The following PLEKHG4B variants were observed in gnomAD, a reference collection of about 807,000 sequenced individuals.
PLEKHG4B encodes the protein pleckstrin homology domain-containing family G member 4B.
Under a neutral mutation model 121.3 loss-of-function variants are expected in PLEKHG4B, and 111 were observed. The observed-to-expected ratio is 0.92, with a 90% CI of 0.78 to 1.07. The LOEUF is 1.07. Among genes scored for constraint, PLEKHG4B ranks in the 50% least tolerant of loss-of-function variants. The pLI is 0.00. For missense variants in PLEKHG4B, 1,831 were observed against 1,757.8 expected (o/e 1.04, Z -0.74); for synonymous variants, 738 against 725.0 (o/e 1.02, Z -0.29).
chr5:149,305 G>A (rs1466658585), intron 6 of PLEKHG4B, among the ~76,000 whole-genome samples: 4 of 152,308 alleles, frequency 2.6e-5, no homozygotes, highest in Admixed American at 2.6e-4. Context: ...CACTTTGGGA[G>A]GCTGAGGCAG....
intron 2 of PLEKHG4B, among the ~76,000 whole-genome samples, chr5:126,416 A>G (rs187308557): frequency 6.6e-6 from 1 of 152,220 alleles, no homozygotes; most frequent in East Asian, 1.9e-4. Flanking sequence ...ACTTTTTCAT[A>G]CATCACTTTA....
At chr5:181,491 T>C (rs753169266) in intron 18 of PLEKHG4B, 23 bp from the exon 19 acceptor site, 1 of 1,607,984 alleles carries the variant, frequency 6.2e-7, no homozygotes, top group Non-Finnish European at 8.5e-7. Flanking sequence ...CTTTGGAAAC[T>C]GTCATACTTT....
In PLEKHG4B at chr5:133,922, G is replaced by GCA. The variant is rs776876090; in HGVS notation, c.244-5542_244-5541dup. 8.8e-3 allele frequency among the ~76,000 whole-genome samples: 1,243 copies of GCA among 140,942 alleles called. 8 individuals are homozygous for GCA. The highest frequency in any genetic ancestry group is 0.014 in the South Asian group (62 of 4,400). The allele number at this position is 140,942 out of a possible 152,430, so 92.5% of individuals were successfully genotyped here. A position where few individuals can be genotyped will look rare whatever the true frequency, so the allele number is the denominator to read the frequency against. ...TGGATAAAGAAAATGTGACACACAC[G>GCA]CACACACACACACACACACATATAT... is the stretch of plus-strand genomic sequence containing the variant. On this transcript the variant is annotated intron_variant, in intron 2 of 19. Coordinates refer to ENST00000637938, the MANE Select transcript of PLEKHG4B (RefSeq NM_052909.5).
intron 2 of PLEKHG4B, among the ~76,000 whole-genome samples, chr5:125,805 C>T (rs1444945008): frequency 1.3e-5 from 2 of 152,260 alleles, no homozygotes; most frequent in Admixed American, 1.3e-4. Flanking sequence ...AACAAATCCC[C>T]CCAGCTTTTG....
intron 18 of PLEKHG4B, among the ~76,000 whole-genome samples, 195 bp downstream of exon 18, chr5:174,293 G>T (rs1440575801): frequency 3.0e-5 from 4 of 134,962 alleles, no homozygotes; most frequent in Non-Finnish European, 6.4e-5. Context: ...GGGCTGGGGT[G>T]GGGGCTGGAG....
At chr5:171,164 G>T (rs1367846723) in intron 15 of PLEKHG4B, 32 bp downstream of exon 15, 2 of 1,607,338 alleles carry the variant, frequency 1.2e-6, no homozygotes, top group Non-Finnish European at 1.7e-6. Context: ...CCCACAGCCT[G>T]CCCGGCCCTC....
At chr5:171,969 C>T (rs2126455920) in intron 16 of PLEKHG4B, among the ~76,000 whole-genome samples, 1 of 152,326 alleles carries the variant, frequency 6.6e-6, no homozygotes, top group African/African-American at 2.4e-5. Flanking sequence ...TGAAGGCTGC[C>T]CTGGCTGCCC....
Position 157,412 on chromosome 5 carries a change from GA to G in PLEKHG4B, c.2487+502del, listed in dbSNP as rs1735824941. Reference sequence around the variant, plus strand: ...AGAGGACAAATCGGGAGGGGGTGATGACGGAAGTGGCTTTTCATGAATTCTC... The same window carrying G: ...AGAGGACAAATCGGGAGGGGGTGATGCGGAAGTGGCTTTTCATGAATTCTC... On this transcript the variant is annotated intron_variant, in intron 11 of 19. Coordinates refer to ENST00000637938, the MANE Select transcript of PLEKHG4B (RefSeq NM_052909.5). The surrounding 1 kb of genome is among the most constrained non-coding windows in gnomAD (Gnocchi z 4.6). 1.3e-5 allele frequency among the ~76,000 whole-genome samples: 2 copies of G among 152,164 alleles called. No homozygotes were observed. Among genetic ancestry groups the G allele is most frequent in the Admixed American group, 6.5e-5 (1 of 15,286 alleles).
rs907080944 is a variant in PLEKHG4B at position 157,413 on chromosome 5, A to G, written c.2487+502A>G. Among the ~76,000 whole-genome samples, 1 of 152,092 alleles carries G rather than the reference A, an allele frequency of 6.6e-6. No homozygotes were observed. The highest frequency in any genetic ancestry group is 2.4e-5 in the African/African-American group (1 of 41,422). ...GAGGACAAATCGGGAGGGGGTGATG[A>G]CGGAAGTGGCTTTTCATGAATTCTC... On this transcript the variant is annotated intron_variant, in intron 11 of 19. Coordinates refer to ENST00000637938, the MANE Select transcript of PLEKHG4B (RefSeq NM_052909.5). This position sits in a 1 kb window ranked among gnomAD's most constrained non-coding sequence, Gnocchi z 4.6.
At chr5:106,366 CAGA>C (rs1234408908) in intron 1 of PLEKHG4B, among the ~76,000 whole-genome samples, 2 of 152,146 alleles carry the variant, frequency 1.3e-5, no homozygotes, top group Admixed American at 6.5e-5. Context: ...CTTTGTTTTG[CAGA>C]AGAAGGTTCC....
intron 1 of PLEKHG4B, among the ~76,000 whole-genome samples, chr5:112,487 C>T (rs1259544150): frequency 6.6e-6 from 1 of 152,204 alleles, no homozygotes; most frequent in African/African-American, 2.4e-5. Context: ...CAGACATGAG[C>T]CTTGTGGTAT....
chr5:118,470 G>GT (rs1241919981), intron 2 of PLEKHG4B, among the ~76,000 whole-genome samples: 1 of 152,158 alleles, frequency 6.6e-6, no homozygotes, highest in Non-Finnish European at 1.5e-5. Context: ...TAAAATTCTT[G>GT]TCCATTTAGA....
At chr5:144,969 C>T (rs373901696) in intron 6 of PLEKHG4B, 49 bp downstream of exon 6, 9 of 1,531,102 alleles carry the variant, frequency 5.9e-6, no homozygotes, top group South Asian at 5.6e-5. Context: ...ATCGTAGGGC[C>T]GTGTGTTGCT....
chr5:107,762 G>C (rs1042558383), intron 1 of PLEKHG4B, among the ~76,000 whole-genome samples: 3 of 152,208 alleles, frequency 2.0e-5, no homozygotes, highest in Admixed American at 6.5e-5. Context: ...ACTTGCCCTG[G>C]TGTGGCCAGG....
intron 13 of PLEKHG4B, among the ~76,000 whole-genome samples, chr5:167,841 G>A (rs1016033089): frequency 5.3e-5 from 8 of 152,242 alleles, no homozygotes; most frequent in Admixed American, 1.3e-4. Context: ...CAGCCTAAGC[G>A]TCCTGCATTT....
intron 13 of PLEKHG4B, chr5:169,064 C>T (rs1421516551): frequency 1.2e-5 from 5 of 421,468 alleles, no homozygotes; most frequent in South Asian, 5.0e-5. Flanking sequence ...TGAGTAGAGA[C>T]GAGGTTTCAC....
At position 189,076 on chromosome 5, in the gene PLEKHG4B, C is replaced by CCGAT. The variant is rs1374591291; in HGVS notation, c.*6754_*6757dup. 1.3e-5 allele frequency: 2 copies of CCGAT among 152,326 alleles called. No individual in the cohort carries two copies. Among genetic ancestry groups the CCGAT allele is most frequent in the African/African-American group, 4.8e-5 (2 of 41,466 alleles). 9.4% of individuals were successfully genotyped at this position (152,326 alleles called of 1,614,324 possible). On this transcript the variant is annotated 3_prime_UTR_variant, in exon 20 of 20. Coordinates refer to ENST00000637938, the MANE Select transcript of PLEKHG4B (RefSeq NM_052909.5). ...AGGTCTCAGGCAGGGGCTGCGCACACCGATGGTCAGCATTGCCGTTCGGGG... is the reference window on the plus strand; with the variant it reads ...AGGTCTCAGGCAGGGGCTGCGCACACCGATCGATGGTCAGCATTGCCGTTCGGGG...
intron 1 of PLEKHG4B, among the ~76,000 whole-genome samples, chr5:98,425 C>CTT (rs55733931): frequency 0.029 from 1,377 of 46,838 alleles, 466 homozygotes; most frequent in East Asian, 0.11. Flanking sequence ...TTTACTGTAG[C>CTT]TTTTTTTTTT....
chr5:112,782 T>C (rs6555609), intron 1 of PLEKHG4B, among the ~76,000 whole-genome samples: 28,481 of 152,150 alleles, frequency 0.19, 3,755 homozygotes, highest in African/African-American at 0.37. Context: ...TGGGCCAGCT[T>C]TGTCCTCCCC....
Sources: gnomAD v4.1 joint callset for allele counts (sites outside exome capture counted in the v4.1 genomes callset) on GRCh38, gnomAD v4.1.1 for gene constraint, Gnocchi (gnomAD v3.1) non-coding constraint, MANE v1.5 for transcripts, NCBI Gene and HGNC (gene_info 2026-07-23, HGNC 2026-07-21) for gene names.